ATP7A: variants seen among roughly 807,000 people sequenced by gnomAD.
ATP7A encodes ATPase copper transporting alpha.
ATP7A carries 7 observed loss-of-function variants against 83.5 expected under a neutral mutation model. The observed-to-expected ratio is 0.08, with a 90% CI of 0.05 to 0.16. The LOEUF is 0.16. ATP7A is among the 10% of genes least tolerant of loss of function. The probability of loss-of-function intolerance (pLI) is 1.00; values close to 1 mark genes in which losing one functional copy is unlikely to be tolerated. For synonymous variants in ATP7A, 354 were observed against 395.2 expected (o/e 0.90, Z 1.24); for missense variants, 940 against 1,120.8 (o/e 0.84, Z 2.30).
intron 14 of ATP7A, among the ~76,000 whole-genome samples, chrX:78,028,147 C>T (rs1284581672): frequency 2.8e-5 from 3 of 108,971 alleles, no homozygotes; most frequent in South Asian, 3.8e-4. Context: ...CTTAGCCTCC[C>T]GAGTAGCTGC....
At position 78,038,663 on chromosome X, in the gene ATP7A, G is replaced by T. The variant is rs1288920622; in HGVS notation, c.3512-173G>T. Reference sequence around the variant, plus strand: ...CAGCAATGTGTGCAAAGGCCCAGAGGCATGGAAGAACAGAGTATGTTCTTA... The same window carrying T: ...CAGCAATGTGTGCAAAGGCCCAGAGTCATGGAAGAACAGAGTATGTTCTTA... On this transcript the variant is annotated intron_variant, in intron 17 of 22. Coordinates refer to ENST00000341514, the MANE Select transcript of ATP7A (RefSeq NM_000052.7). Among the ~76,000 whole-genome samples the T allele has an allele frequency of 2.7e-5, 3 of 111,817 alleles. No individual in the cohort carries two copies. The Admixed American group carries it at 2.8e-4, about 11-fold the overall frequency.
chrX:78,001,297 C>T (rs782531968), intron 5 of ATP7A, among the ~76,000 whole-genome samples: 1 of 110,356 alleles, frequency 9.1e-6, no homozygotes, highest in South Asian at 3.8e-4. Context: ...ACTGTGTATA[C>T]GTTTATCTAC....
chrX:78,022,283 G>T (rs1259676393), intron 14 of ATP7A, among the ~76,000 whole-genome samples: 1 of 110,496 alleles, frequency 9.1e-6, no homozygotes, highest in Non-Finnish European at 1.9e-5. Context: ...TTTCTATATA[G>T]ATCTATAATT....
chrX:77,924,522 A>T (rs1256583705), intron 1 of ATP7A: 1 of 111,635 alleles, frequency 9.0e-6, no homozygotes, highest in African/African-American at 3.3e-5. Context: ...ACCTGGCTAA[A>T]CAGTTGTCTT....
intron 1 of ATP7A, chrX:77,923,489 A>G (rs1178559413): frequency 9.0e-6 from 1 of 111,522 alleles, no homozygotes; most frequent in African/African-American, 3.2e-5. Context: ...ATTAGAAAGT[A>G]TCTGGCCAGA....
At chrX:77,956,743 C>CTTTCTTTCTTTCTTTCTT (rs1557227410) in intron 1 of ATP7A, among the ~76,000 whole-genome samples, 1 of 94,697 alleles carries the variant, frequency 1.1e-5, no homozygotes, top group African/African-American at 3.9e-5. Context: ...TTCTTTCTTT[C>CTTTCTTTCTTTCTTTCTT]TTTCTTTCTT....
intron 1 of ATP7A, chrX:77,964,880 A>G (rs111450835): frequency 8.9e-6 from 1 of 112,128 alleles, no homozygotes; most frequent in Non-Finnish European, 1.9e-5. Context: ...ATAAACATAC[A>G]TGTGCATGTG....
At chrX:77,938,353 C>T (rs1166473227) in intron 1 of ATP7A, among the ~76,000 whole-genome samples, 3 of 112,611 alleles carry the variant, frequency 2.7e-5, no homozygotes, top group African/African-American at 9.7e-5. Flanking sequence ...TTCAGGCAGC[C>T]TGGGATGGAA....
chrX:78,041,194 A>T lies in ATP7A; in HGVS notation c.3801+461A>T, dbSNP rs968748057. Among the ~76,000 whole-genome samples the T allele has an allele frequency of 3.6e-5, 4 of 111,407 alleles. No homozygotes were observed. In the South Asian group the frequency reaches 1.5e-3, roughly 42 times the overall value. On this transcript the variant is annotated intron_variant, in intron 19 of 22. Transcript: ENST00000341514. ...CTCCCACATCTGCCTTATCTCTAAA[A>T]TTTTTCAATCTTTTTAACTTTGGAA...
intron 1 of ATP7A, among the ~76,000 whole-genome samples, chrX:77,939,168 G>A (rs1336241472): frequency 9.0e-6 from 1 of 110,500 alleles, no homozygotes; most frequent in Non-Finnish European, 1.9e-5. Context: ...GTGGTGGTGT[G>A]TGCTTGTAAT....
rs1483524681 is a variant in ATP7A at position 78,012,609 on chromosome X, A to T, written c.2173-270A>T. Among the ~76,000 whole-genome samples, 23 of 108,564 alleles carry T rather than the reference A, an allele frequency of 2.1e-4. 1 individual carries two copies. The Admixed American group carries it at 2.3e-3, about 11-fold the overall frequency. The allele number at this position is 108,564 out of a possible 115,157, so 94.3% of individuals were successfully genotyped here. On this transcript the variant is annotated intron_variant, in intron 9 of 22. Transcript: ENST00000341514. ...GTCTCTTAAAAAAAAAAAAAAAAAA[A>T]AGGAAGAAATATCTGATTTTCCTTG...
At chrX:78,023,722 A>G (rs1312861250) in intron 14 of ATP7A, among the ~76,000 whole-genome samples, 1 of 111,759 alleles carries the variant, frequency 8.9e-6, no homozygotes, top group African/African-American at 3.2e-5. Context: ...CATACTTTGC[A>G]AATATTTTCT....
chrX:77,951,169 T>A (rs185712788), intron 1 of ATP7A, among the ~76,000 whole-genome samples: 28 of 112,517 alleles, frequency 2.5e-4, no homozygotes, highest in Admixed American at 3.8e-4. Context: ...TTTTGCAGTT[T>A]GTTTACATGG....
At chrX:77,982,344 T>TGGGAATAAATTCATAATA (rs2077609674) in intron 2 of ATP7A, among the ~76,000 whole-genome samples, 1 of 112,081 alleles carries the variant, frequency 8.9e-6, no homozygotes, top group Non-Finnish European at 1.9e-5. Flanking sequence ...AGCAGCATGC[T>TGGGAATAAATTCATAATA]AACCTGAATT....
At chrX:77,991,788 G>A (rs1037778921) in intron 4 of ATP7A, among the ~76,000 whole-genome samples, 1 of 110,445 alleles carries the variant, frequency 9.1e-6, no homozygotes, top group African/African-American at 3.3e-5. Context: ...TTTGGAGGCT[G>A]AGGCAGGCAG....
chrX:78,049,003 C>A lies in ATP7A; in HGVS notation c.*2433C>A, dbSNP rs1557239511. 9.0e-6 allele frequency: 1 copy of A among 111,711 alleles called. No homozygotes were observed. The highest frequency in any genetic ancestry group is 3.7e-4 in the South Asian group (1 of 2,711). The allele number at this position is 111,711 out of a possible 1,213,427, so 9.2% of individuals were successfully genotyped here. On this transcript the variant is annotated 3_prime_UTR_variant, in exon 23 of 23. Transcript: ENST00000341514. ...ATTGAAATAATCAAAGAGATAATTT[C>A]AGCTCTTACAACAAGAACAGAAAAC...
At chrX:77,983,063 G>A (rs1338880382) in intron 2 of ATP7A, among the ~76,000 whole-genome samples, 14 of 111,335 alleles carry the variant, frequency 1.3e-4, no homozygotes, top group Admixed American at 9.6e-5. Context: ...TCTTTTATAA[G>A]GGCACAAATC....
chrX:78,029,127 A>G (rs1603388987), intron 14 of ATP7A, 123 bp from the exon 15 acceptor site: 2 of 694,920 alleles, frequency 2.9e-6, no homozygotes, highest in East Asian at 3.2e-5. Flanking sequence ...AAATATATGT[A>G]GGTAGCTAGG....
chrX:78,036,483 C>A (rs997460228), intron 17 of ATP7A, among the ~76,000 whole-genome samples: 11 of 111,172 alleles, frequency 9.9e-5, no homozygotes, highest in Non-Finnish European at 1.5e-4. Flanking sequence ...AATGGATGGG[C>A]AAGGGGTATA....
Sources: allele counts gnomAD v4.1 joint callset (sites outside exome capture counted in the v4.1 genomes callset), GRCh38; gene constraint gnomAD v4.1.1; transcripts MANE v1.5; gene names NCBI Gene and HGNC (gene_info 2026-07-23, HGNC 2026-07-21).